The following AIPL1 variants were observed in gnomAD, a reference collection of about 807,000 sequenced individuals.
AIPL1 encodes aryl-hydrocarbon-interacting protein-like 1.
A neutral mutation model predicts 32.9 loss-of-function variants in AIPL1; 23 were observed. That is an observed-to-expected ratio of 0.70 (90% CI 0.50 to 0.99). AIPL1 has a LOEUF of 0.99. Ranked by LOEUF, AIPL1 falls within the 50% of genes least tolerant of loss-of-function variation. AIPL1 has a pLI of 0.00. For synonymous variants in AIPL1, 210 were observed against 209.4 expected (o/e 1.00, Z -0.02); for missense variants, 485 against 506.0 (o/e 0.96, Z 0.40).
intron 2 of AIPL1, 149 bp downstream of exon 2, chr17:6,433,770 T>G: frequency 9.7e-7 from 1 of 1,036,152 alleles, no homozygotes; most frequent in Non-Finnish European, 1.4e-6. Context: ...CATCTTCACA[T>G]GCACAGCGGT....
intron 2 of AIPL1, among the ~76,000 whole-genome samples, chr17:6,430,850 C>G (rs2150686237): frequency 6.6e-6 from 1 of 152,238 alleles, no homozygotes; most frequent in Non-Finnish European, 1.5e-5. Context: ...AAAAATAAAA[C>G]AGATTTTAAG....
In AIPL1 at chr17:6,424,668, T is replaced by C. The variant is rs1911731959; in HGVS notation, c.*792A>G. 6.6e-6 allele frequency: 1 copy of C among 152,276 alleles called. No homozygotes were observed. The highest frequency in any genetic ancestry group is 1.5e-5 in the Non-Finnish European group (1 of 68,118). 9.4% of individuals were successfully genotyped at this position (152,276 alleles called of 1,614,324 possible). A position where few individuals can be genotyped will look rare whatever the true frequency, so the allele number is the denominator to read the frequency against. On this transcript the variant is annotated 3_prime_UTR_variant, in exon 6 of 6. Transcript: ENST00000381129. ...ACCTCCGCCTCCCAGGTTCAATCAA[T>C]TCTCCTGCCTCAGCCTCCCAAGTAG... is the stretch of plus-strand genomic sequence containing the variant.
intron 2 of AIPL1, among the ~76,000 whole-genome samples, chr17:6,431,012 C>T (rs1002015299): frequency 6.6e-6 from 1 of 152,198 alleles, no homozygotes; most frequent in Non-Finnish European, 1.5e-5. Context: ...CTATTAGACA[C>T]TGCAAGAAAT....
intron 2 of AIPL1, among the ~76,000 whole-genome samples, chr17:6,430,528 A>G (rs1440145814): frequency 1.3e-5 from 2 of 151,798 alleles, no homozygotes; most frequent in African/African-American, 4.8e-5. Context: ...GACTATCAAC[A>G]TGGAAAAAGG....
In AIPL1 at chr17:6,425,187, A is replaced by G; in HGVS notation, c.*273T>C. ...ACTGATTTAAACAGATTACTTGGAA[A>G]TAGAGAAAACTACCAGAAGAATTAA... is the stretch of plus-strand genomic sequence containing the variant. On this transcript the variant is annotated 3_prime_UTR_variant, in exon 6 of 6. Coordinates refer to ENST00000381129, the MANE Select transcript of AIPL1 (RefSeq NM_014336.5). 2.7e-6 allele frequency: 1 copy of G among 375,234 alleles called. No homozygotes were observed. The highest frequency in any genetic ancestry group is 4.7e-6 in the Non-Finnish European group (1 of 210,636). The allele number at this position is 375,234 out of a possible 1,614,324, so 23.2% of individuals were successfully genotyped here. A position where few individuals can be genotyped will look rare whatever the true frequency, so the allele number is the denominator to read the frequency against.
intron 2 of AIPL1, among the ~76,000 whole-genome samples, chr17:6,432,005 G>A (rs372137570): frequency 2.6e-5 from 4 of 152,166 alleles, no homozygotes; most frequent in South Asian, 2.1e-4. Flanking sequence ...ATTCCATGGC[G>A]AAGGAACCAG....
chr17:6,426,231 A>C (rs771006916), intron 5 of AIPL1: 14 of 1,274,688 alleles, frequency 1.1e-5, no homozygotes, highest in East Asian at 7.5e-5. Flanking sequence ...TACTGTGAGC[A>C]CGATTCGAGC....
chr17:6,428,799 G>T (rs878984849), intron 2 of AIPL1, among the ~76,000 whole-genome samples: 1 of 152,254 alleles, frequency 6.6e-6, no homozygotes, highest in Admixed American at 6.5e-5. Context: ...AAATGACGCA[G>T]CCAGGATTCA....
chr17:6,428,235 C>T, intron 3 of AIPL1, 83 bp downstream of exon 3: 2 of 1,473,844 alleles, frequency 1.4e-6, no homozygotes, highest in South Asian at 2.3e-5. Context: ...GTCCAGTGGC[C>T]AGTGGGGTGG....
intron 5 of AIPL1, 31 bp from the exon 6 acceptor site, chr17:6,425,861 C>T (rs757846372): frequency 6.3e-7 from 1 of 1,596,948 alleles, no homozygotes. Flanking sequence ...CCAGCTACAG[C>T]TCCCTTCCCA....
intron 4 of AIPL1, 59 bp from the exon 5 acceptor site, chr17:6,426,815 T>G (rs1157126895): frequency 6.9e-6 from 11 of 1,592,384 alleles, no homozygotes; most frequent in Non-Finnish European, 9.4e-6. Flanking sequence ...CGCCCCACCC[T>G]GGCCGGCACT....
In AIPL1 at chr17:6,431,531, T is replaced by G. The variant is rs549900117; in HGVS notation, c.276+2388A>C. On this transcript the variant is annotated intron_variant, in intron 2 of 5. Coordinates refer to ENST00000381129, the MANE Select transcript of AIPL1 (RefSeq NM_014336.5). ...CCCTGTATTATGATCCACCCTCATA[T>G]GTTATATCATGTAATCTCCAAAACA... Among the ~76,000 whole-genome samples, 16 of 152,268 alleles carry G rather than the reference T, an allele frequency of 1.1e-4. No homozygotes were observed. In the East Asian group the frequency reaches 3.1e-3, roughly 29 times the overall value.
intron 5 of AIPL1, chr17:6,426,346 G>A: frequency 1.4e-6 from 2 of 1,398,430 alleles, no homozygotes. Flanking sequence ...TTTTTTAAAC[G>A]CCTGTTTACC....
Position 6,425,557 on chromosome 17 carries a change from T to C in AIPL1, c.1058A>G (p.Glu353Gly), listed in dbSNP as rs1452332999. 4 of 1,610,570 alleles carry C rather than the reference T, an allele frequency of 2.5e-6. No individual in the cohort carries two copies. The highest frequency in any genetic ancestry group is 1.7e-6 in the Non-Finnish European group (2 of 1,178,348). ...PAQSSTEPPA[E>G]PPTAPSAELS... ...CTCTGCAGATGGTGCTGTGGGTGGCTCTGCAGGTGGCTCTGTGGATGACTG... is the reference window on the plus strand; with the variant it reads ...CTCTGCAGATGGTGCTGTGGGTGGCCCTGCAGGTGGCTCTGTGGATGACTG... The change falls in exon 6 of 6, where the codon GAG (glutamate) becomes GGG (glycine). Residue 353 changes from glutamate (E) to glycine (G), a missense_variant. Transcript: ENST00000381129.
At chr17:6,425,885 CCCCAG>C (rs1331798795) in intron 5 of AIPL1, 55 bp from the exon 6 acceptor site, 1 of 1,578,632 alleles carries the variant, frequency 6.3e-7, no homozygotes, top group East Asian at 2.3e-5. Context: ...TCAGAGGCAG[CCCCAG>C]CCCAGCTGGG....
Position 6,428,306 on chromosome 17 carries a change from C to T in AIPL1, c.465+12G>A, listed in dbSNP as rs757112196. 3 of 1,605,376 alleles carry T rather than the reference C, an allele frequency of 1.9e-6. No individual in the cohort carries two copies. The highest frequency in any genetic ancestry group is 2.5e-6 in the Non-Finnish European group (3 of 1,179,960). Reference sequence around the variant, plus strand: ...TGGCACAGCCCTCCAGCCCTGCCAACCCCAGCCCCACCTGCAGCAGCTCGA... The same window carrying T: ...TGGCACAGCCCTCCAGCCCTGCCAATCCCAGCCCCACCTGCAGCAGCTCGA... On this transcript the variant is annotated intron_variant, in intron 3 of 5. Coordinates refer to ENST00000381129, the MANE Select transcript of AIPL1 (RefSeq NM_014336.5).
rs1057133575 is a variant in AIPL1, at chr17:6,432,999, G to A, written c.276+920C>T. Among the ~76,000 whole-genome samples, 27 of 152,200 alleles carry A rather than the reference G, an allele frequency of 1.8e-4. 1 individual carries two copies. Among genetic ancestry groups the A allele is most frequent in the African/African-American group, 6.5e-4 (27 of 41,446 alleles). On this transcript the variant is annotated intron_variant, in intron 2 of 5. Transcript: ENST00000381129. ...CCACGCAGGACAAGGAAGGGAAGTG[G>A]GTGGGTTGGGAGATGAAGCAAGACC...
chr17:6,430,996 C>T (rs1252326986), intron 2 of AIPL1, among the ~76,000 whole-genome samples: 2 of 152,120 alleles, frequency 1.3e-5, no homozygotes, highest in Non-Finnish European at 2.9e-5. Flanking sequence ...GCACTGCAGC[C>T]CAGCTCTATT....
At chr17:6,428,584 G>A (rs1912248821) in intron 2 of AIPL1, 78 bp from the exon 3 acceptor site, 1 of 1,391,962 alleles carries the variant, frequency 7.2e-7, no homozygotes, top group African/African-American at 1.4e-5. Context: ...TCCACTCAGA[G>A]CCCCTCCTGG....
Sources: gnomAD v4.1 joint callset for allele counts (sites outside exome capture counted in the v4.1 genomes callset) on GRCh38, gnomAD v4.1.1 for gene constraint, MANE v1.5 for transcripts, NCBI Gene and HGNC (gene_info 2026-07-23, HGNC 2026-07-21) for gene names.